KIAA1549L: variants seen among roughly 807,000 people sequenced by gnomAD.
KIAA1549L encodes UPF0606 protein KIAA1549L.
A neutral mutation model predicts 160.7 loss-of-function variants in KIAA1549L; 88 were observed. That is an observed-to-expected ratio of 0.55 (90% CI 0.46 to 0.65). The LOEUF (loss-of-function observed/expected upper bound fraction) is 0.65, where lower values mean the gene tolerates loss of function less well. Among genes scored for constraint, KIAA1549L ranks in the 30% least tolerant of loss-of-function variants. The probability of loss-of-function intolerance (pLI) is 0.00; values close to 1 mark genes in which losing one functional copy is unlikely to be tolerated. For missense variants in KIAA1549L, 2,258 were observed against 2,437.5 expected (o/e 0.93, Z 1.55); for synonymous variants, 950 against 976.7 (o/e 0.97, Z 0.51).
chr11:33,622,688 T>G (rs1385237559), intron 16 of KIAA1549L, among the ~76,000 whole-genome samples: 1 of 152,106 alleles, frequency 6.6e-6, no homozygotes, highest in African/African-American at 2.4e-5. Context: ...AGTACAGGAA[T>G]GCACACTACA....
chr11:33,616,415 A>T (rs1462144782), intron 15 of KIAA1549L, among the ~76,000 whole-genome samples: 1 of 152,100 alleles, frequency 6.6e-6, no homozygotes, highest in Non-Finnish European at 1.5e-5. Context: ...CTGACCCATC[A>T]CTGTGGCCAT....
intron 16 of KIAA1549L, among the ~76,000 whole-genome samples, chr11:33,634,636 C>T (rs1447852478): frequency 3.9e-5 from 6 of 152,122 alleles, no homozygotes; most frequent in Non-Finnish European, 7.4e-5. Context: ...TTCTGTTACA[C>T]GGGGAAGATG....
intron 1 of KIAA1549L, among the ~76,000 whole-genome samples, chr11:33,538,513 C>G (rs1185818019): frequency 6.6e-6 from 1 of 152,136 alleles, no homozygotes; most frequent in Non-Finnish European, 1.5e-5. Context: ...CAGAAATCAT[C>G]CCAGCTGACC....
rs111492014 is a variant in KIAA1549L at position 33,514,292 on chromosome 11, C to A, written c.239-27510C>A. Among the ~76,000 whole-genome samples, 4 of 152,314 alleles carry A rather than the reference C, an allele frequency of 2.6e-5. 1 individual carries two copies. Among genetic ancestry groups the A allele is most frequent in the African/African-American group, 7.2e-5 (3 of 41,576 alleles). ...TTTTATGCAAAGTCATTGAAAAACA[C>A]TGAAACAATGAAAAAATTTAATTTG... On this transcript the variant is annotated intron_variant, in intron 1 of 20. Coordinates refer to ENST00000658780, the MANE Select transcript of KIAA1549L (RefSeq NM_012194.3).
chr11:33,487,876 T>C (rs1366385907), intron 1 of KIAA1549L, among the ~76,000 whole-genome samples: 3 of 152,178 alleles, frequency 2.0e-5, no homozygotes, highest in African/African-American at 7.2e-5. Flanking sequence ...TACATGTGAT[T>C]GAAATCTTGG....
intron 1 of KIAA1549L, among the ~76,000 whole-genome samples, chr11:33,537,128 G>A (rs527405149): frequency 1.3e-5 from 2 of 152,292 alleles, no homozygotes; most frequent in Admixed American, 1.3e-4. Context: ...GCCTCTTCCT[G>A]CCATAGGGCC....
chr11:33,655,400 G>C (rs10836092), intron 17 of KIAA1549L, among the ~76,000 whole-genome samples: 59,965 of 151,958 alleles, frequency 0.39, 12,100 homozygotes, highest in East Asian at 0.5. Context: ...TCACACATAC[G>C]TCCTCACTCC....
chr11:33,464,491 T>TGTG (rs2133007593), intron 1 of KIAA1549L, among the ~76,000 whole-genome samples: 1 of 150,200 alleles, frequency 6.7e-6, no homozygotes, highest in Non-Finnish European at 1.5e-5. Context: ...TGTGTGTGTG[T>TGTG]GTGTGTGTGT....
chr11:33,649,342 GGAAAAAA>G (rs1288185345), intron 17 of KIAA1549L, among the ~76,000 whole-genome samples: 4 of 122,576 alleles, frequency 3.3e-5, no homozygotes, highest in South Asian at 2.3e-4. Flanking sequence ...TCTCTACGGG[GGAAAAAA>G]AAAAAAAAAA....
At chr11:33,446,464 TCTTC>T (rs1280850197) in intron 1 of KIAA1549L, among the ~76,000 whole-genome samples, 3 of 152,206 alleles carry the variant, frequency 2.0e-5, no homozygotes, top group Non-Finnish European at 4.4e-5. Context: ...ATTAGTTATT[TCTTC>T]CTTTGTAACA....
At chr11:33,665,559 A>G (rs1852415949) in intron 20 of KIAA1549L, 1 of 151,782 alleles carries the variant, frequency 6.6e-6, no homozygotes, top group African/African-American at 2.4e-5. Flanking sequence ...CAGGGCTTTT[A>G]TGGACCTCAG....
intron 10 of KIAA1549L, among the ~76,000 whole-genome samples, chr11:33,582,916 T>C (rs935586065): frequency 6.6e-5 from 10 of 152,214 alleles, no homozygotes; most frequent in African/African-American, 2.4e-4. Flanking sequence ...GAGAGTCATT[T>C]CTCTGTGGCT....
At chr11:33,401,465 T>G (rs1850499662) in intron 1 of KIAA1549L, among the ~76,000 whole-genome samples, 1 of 151,860 alleles carries the variant, frequency 6.6e-6, no homozygotes, top group Non-Finnish European at 1.5e-5. Context: ...TCCTTGAGCC[T>G]TTTAACCTCC....
chr11:33,581,615 A>C (rs1855647278), intron 10 of KIAA1549L, among the ~76,000 whole-genome samples: 1 of 152,204 alleles, frequency 6.6e-6, no homozygotes, highest in South Asian at 2.1e-4. Flanking sequence ...AGCGCCTAAC[A>C]CACAGTAGGC....
intron 1 of KIAA1549L, among the ~76,000 whole-genome samples, chr11:33,457,567 A>G (rs946963130): frequency 2.0e-5 from 3 of 152,210 alleles, no homozygotes; most frequent in African/African-American, 7.2e-5. Context: ...GCCACGGCCC[A>G]CAAGTATCTA....
chr11:33,516,308 C>T (rs1297399533), intron 1 of KIAA1549L, among the ~76,000 whole-genome samples: 2 of 62,312 alleles, frequency 3.2e-5, no homozygotes, highest in Non-Finnish European at 5.6e-5. Flanking sequence ...CCCGCCACTA[C>T]GCCCGGCTAA....
chr11:33,638,969 T>A (rs1186225259), intron 16 of KIAA1549L, among the ~76,000 whole-genome samples: 1 of 152,222 alleles, frequency 6.6e-6, no homozygotes, highest in Admixed American at 6.5e-5. Flanking sequence ...TTGAGTTGCT[T>A]GTCTTTTTGT....
intron 7 of KIAA1549L, 120 bp downstream of exon 7, chr11:33,560,031 TATGTG>T (rs1487623734): frequency 1.1e-6 from 1 of 946,860 alleles, no homozygotes; most frequent in Non-Finnish European, 1.6e-6. Context: ...ACAGCTAAAA[TATGTG>T]ATGGATTAAG....
chr11:33,569,826 C>T (rs144031851), intron 9 of KIAA1549L, among the ~76,000 whole-genome samples: 15 of 152,260 alleles, frequency 9.9e-5, no homozygotes, highest in African/African-American at 3.4e-4. Flanking sequence ...ATAATTTCCA[C>T]TTTTCCAAAT....
Sources: gnomAD v4.1 joint callset for allele counts (sites outside exome capture counted in the v4.1 genomes callset) on GRCh38, gnomAD v4.1.1 for gene constraint, MANE v1.5 for transcripts, NCBI Gene and HGNC (gene_info 2026-07-23, HGNC 2026-07-21) for gene names.